CNTNAP2: variants seen among roughly 807,000 people sequenced by gnomAD.
The protein encoded by CNTNAP2 is contactin-associated protein-like 2.
Under a neutral mutation model 155.2 loss-of-function variants are expected in CNTNAP2, and 98 were observed. The observed-to-expected ratio is 0.63, with a 90% CI of 0.54 to 0.75. The LOEUF (loss-of-function observed/expected upper bound fraction) is 0.75, where lower values mean the gene tolerates loss of function less well. Ranked by LOEUF, CNTNAP2 falls within the 30% of genes least tolerant of loss-of-function variation. The pLI is 0.00. For missense variants in CNTNAP2, 1,727 were observed against 1,688.1 expected (o/e 1.02, Z -0.40); for synonymous variants, 651 against 631.2 (o/e 1.03, Z -0.47).
intron 1 of CNTNAP2, among the ~76,000 whole-genome samples, chr7:146,432,108 A>G (rs1336635173): frequency 1.3e-5 from 2 of 152,104 alleles, no homozygotes; most frequent in African/African-American, 4.8e-5. Context: ...TCTGAGCAAA[A>G]CCAACTAATT....
At chr7:147,920,576 G>A (rs1156261057) in intron 14 of CNTNAP2, among the ~76,000 whole-genome samples, 1 of 151,972 alleles carries the variant, frequency 6.6e-6, no homozygotes, top group African/African-American at 2.4e-5. Flanking sequence ...TATAGCAGTT[G>A]GCAGGAATTT....
intron 14 of CNTNAP2, among the ~76,000 whole-genome samples, chr7:147,915,964 C>T (rs544628648): frequency 2.0e-5 from 3 of 152,218 alleles, no homozygotes; most frequent in East Asian, 3.9e-4. Flanking sequence ...ATTCCTAGAG[C>T]GTCTAACAGC....
chr7:147,679,969 TTC>T (rs1342343937), intron 13 of CNTNAP2, among the ~76,000 whole-genome samples: 1 of 151,246 alleles, frequency 6.6e-6, no homozygotes, highest in Non-Finnish European at 1.5e-5. Context: ...ATATCTTCGT[TTC>T]TTTTTTTTTT....
At chr7:146,225,852 G>T (rs570402376) in intron 1 of CNTNAP2, among the ~76,000 whole-genome samples, 1 of 152,224 alleles carries the variant, frequency 6.6e-6, no homozygotes, top group East Asian at 1.9e-4. Context: ...TCTCTTTCTG[G>T]ATGAAACACT....
At chr7:147,487,411 T>C (rs1019797264) in intron 11 of CNTNAP2, among the ~76,000 whole-genome samples, 1 of 152,198 alleles carries the variant, frequency 6.6e-6, no homozygotes, top group Admixed American at 6.5e-5. Context: ...CATCAAAATA[T>C]TAACCTCCAG....
chr7:146,505,979 C>T (rs1797378395), intron 1 of CNTNAP2, among the ~76,000 whole-genome samples: 1 of 152,192 alleles, frequency 6.6e-6, no homozygotes, highest in African/African-American at 2.4e-5. Flanking sequence ...TCCCTTATAT[C>T]ACTCAATAAT....
At chr7:147,301,391 T>C (rs1350769344) in intron 9 of CNTNAP2, among the ~76,000 whole-genome samples, 1 of 152,190 alleles carries the variant, frequency 6.6e-6, no homozygotes, top group East Asian at 1.9e-4. Flanking sequence ...TCAATACATC[T>C]TTTATTAGAT....
At chr7:146,335,117 T>G (rs1801252369) in intron 1 of CNTNAP2, among the ~76,000 whole-genome samples, 1 of 152,200 alleles carries the variant, frequency 6.6e-6, no homozygotes, top group Non-Finnish European at 1.5e-5. Flanking sequence ...TGCTCAGAAA[T>G]TACTGGTAAA....
chr7:147,443,811 G>A (rs1467234918), intron 10 of CNTNAP2, among the ~76,000 whole-genome samples: 1 of 152,138 alleles, frequency 6.6e-6, no homozygotes, highest in Non-Finnish European at 1.5e-5. Flanking sequence ...ATTAAAAAGA[G>A]CATAATCCAA....
At chr7:146,996,513 A>G (rs1421605888) in intron 3 of CNTNAP2, among the ~76,000 whole-genome samples, 2 of 151,964 alleles carry the variant, frequency 1.3e-5, no homozygotes, top group African/African-American at 4.8e-5. Flanking sequence ...CAGGTAGTTT[A>G]CTGTTAGTGT....
intron 1 of CNTNAP2, among the ~76,000 whole-genome samples, chr7:146,646,717 A>G (rs1799818399): frequency 6.6e-6 from 1 of 152,110 alleles, no homozygotes; most frequent in Non-Finnish European, 1.5e-5. Flanking sequence ...CCAGTATCTA[A>G]TTTTATGGTG....
intron 1 of CNTNAP2, among the ~76,000 whole-genome samples, chr7:146,283,482 C>T (rs767506394): frequency 6.6e-6 from 1 of 152,160 alleles, no homozygotes; most frequent in Non-Finnish European, 1.5e-5. Flanking sequence ...ATCTTCCCAC[C>T]TCAGCCTCCC....
At chr7:146,375,736 C>T (rs570875900) in intron 1 of CNTNAP2, among the ~76,000 whole-genome samples, 1 of 152,246 alleles carries the variant, frequency 6.6e-6, no homozygotes, top group African/African-American at 2.4e-5. Flanking sequence ...TTTAAACATA[C>T]TTGATTTTGT....
At chr7:146,848,005 AG>A (rs2129202356) in intron 3 of CNTNAP2, among the ~76,000 whole-genome samples, 1 of 152,294 alleles carries the variant, frequency 6.6e-6, no homozygotes, top group African/African-American at 2.4e-5. Context: ...CCAACTGAAA[AG>A]GGTAGGATAA....
At position 146,622,162 on chromosome 7, in the gene CNTNAP2, T is replaced by TAC. The variant is rs201065097; in HGVS notation, c.98-152102_98-152101dup. Among the ~76,000 whole-genome samples the TAC allele has an allele frequency of 4.6e-4, 67 of 145,546 alleles. 2 individuals are homozygous for TAC. The South Asian group carries it at 0.014, about 30-fold the overall frequency. On this transcript the variant is annotated intron_variant, in intron 1 of 23. Coordinates refer to ENST00000361727, the MANE Select transcript of CNTNAP2 (RefSeq NM_014141.6). ...ATATATACACACACGTATATATATATACACACACGTATATATATACACATA... is the reference window on the plus strand; with the variant it reads ...ATATATACACACACGTATATATATATACACACACACGTATATATATACACATA...
At chr7:147,848,338 C>T (rs1177005) in intron 13 of CNTNAP2, among the ~76,000 whole-genome samples, 1,706 of 149,730 alleles carry the variant, frequency 0.011, 36 homozygotes, top group Admixed American at 0.059. Flanking sequence ...GTGCAATATT[C>T]GGGTGGGAGT....
rs181944437 is a variant in CNTNAP2, at chr7:146,241,991, G to T, written c.97+125018G>T. 4.6e-5 allele frequency among the ~76,000 whole-genome samples: 7 copies of T among 152,196 alleles called. No homozygotes were observed. In the East Asian group the frequency reaches 1.4e-3, roughly 29 times the overall value. On this transcript the variant is annotated intron_variant, in intron 1 of 23. Transcript: ENST00000361727. Reference sequence around the variant, plus strand: ...GAAATTTTATTCCACCATTTAAAAAGCATATGACTTGGGAAAATTACATAA... The same window carrying T: ...GAAATTTTATTCCACCATTTAAAAATCATATGACTTGGGAAAATTACATAA...
chr7:147,467,184 G>A (rs544844517), intron 10 of CNTNAP2, among the ~76,000 whole-genome samples: 1 of 152,048 alleles, frequency 6.6e-6, no homozygotes, highest in African/African-American at 2.4e-5. Flanking sequence ...TGATTTCAGG[G>A]CTGTAAAAAA....
intron 12 of CNTNAP2, among the ~76,000 whole-genome samples, chr7:147,585,237 G>T (rs146651770): frequency 5.3e-4 from 81 of 151,992 alleles, no homozygotes; most frequent in Middle Eastern, 3.4e-3. Context: ...TAATTAAAGT[G>T]TATTACTTTT....
Sources: gnomAD v4.1 joint callset for allele counts (sites outside exome capture counted in the v4.1 genomes callset) on GRCh38, gnomAD v4.1.1 for gene constraint, MANE v1.5 for transcripts, NCBI Gene and HGNC (gene_info 2026-07-23, HGNC 2026-07-21) for gene names.